CCR5AS: variants seen among roughly 807,000 people sequenced by gnomAD.
CCR5AS encodes the protein CCR5 antisense RNA.
At chr3:46,404,582 C>T (rs1330108371) in intron 1 of CCR5AS, among the ~76,000 whole-genome samples, 2 of 152,070 alleles carry the variant, frequency 1.3e-5, no homozygotes, top group Non-Finnish European at 2.9e-5. Context: ...AAGTGATCCA[C>T]CCACCTCAGC....
At chr3:46,365,860 C>T (rs962323359) in intron 3 of CCR5AS, among the ~76,000 whole-genome samples, 1 of 152,186 alleles carries the variant, frequency 6.6e-6, no homozygotes, top group African/African-American at 2.4e-5. Flanking sequence ...ACTCTTGATC[C>T]TTGCAGCCTC....
chr3:46,397,513 G>C (rs773207683), intron 1 of CCR5AS, among the ~76,000 whole-genome samples: 7 of 152,236 alleles, frequency 4.6e-5, no homozygotes, highest in Non-Finnish European at 1.0e-4. Context: ...TGAGAGCAGG[G>C]CACTATTCCC....
chr3:46,407,002 A>T (rs980239573), exon 1 of CCR5AS: 4 of 152,154 alleles, frequency 2.6e-5, no homozygotes, highest in Admixed American at 6.6e-5. Flanking sequence ...TCAGGTCTGG[A>T]CTCGTGGTCA....
rs1800940 is a variant in CCR5AS, at chr3:46,373,082, G to T, written n.392-1665C>A. The T allele has an allele frequency of 1.6e-3, 2,621 of 1,614,172 alleles. 6 individuals are homozygous for T. The highest frequency in any genetic ancestry group is 2.0e-3 in the Non-Finnish European group (2,411 of 1,180,028). On this transcript the variant is annotated intron_variant and non_coding_transcript_variant, in intron 2 of 3. Transcript: ENST00000451485. ...TCCTCATCCTGATAAACTGCAAAAG[G>T]CTGAAGAGCATGACTGACATCTACC...
chr3:46,401,751 ATTATTAATTTAATTAATAATATTAAT>A (rs1183546739), intron 1 of CCR5AS, among the ~76,000 whole-genome samples: 5 of 150,042 alleles, frequency 3.3e-5, no homozygotes, highest in East Asian at 1.9e-4. Context: ...ATATTTATTT[ATTATTAATTTAATTAATAATATTAAT>A]TTATTAATTT....
At chr3:46,375,300 T>C (rs1410800948) in intron 2 of CCR5AS, 1 of 167,014 alleles carries the variant, frequency 6.0e-6, no homozygotes, top group African/African-American at 2.4e-5. Flanking sequence ...AGCTCACACA[T>C]GAGATCTAGG....
chr3:46,379,323 C>A (rs1025278056), intron 2 of CCR5AS, among the ~76,000 whole-genome samples: 1 of 151,936 alleles, frequency 6.6e-6, no homozygotes, highest in Non-Finnish European at 1.5e-5. Context: ...TTTCCAATTT[C>A]ATCCATGTCC....
At chr3:46,404,538 A>G (rs1347838739) in intron 1 of CCR5AS, among the ~76,000 whole-genome samples, 1 of 151,836 alleles carries the variant, frequency 6.6e-6, no homozygotes, top group Non-Finnish European at 1.5e-5. Context: ...AAGTTTTGCC[A>G]TGTCGGCCAG....
chr3:46,395,064 G>A (rs1249050942), intron 1 of CCR5AS, among the ~76,000 whole-genome samples: 1 of 152,152 alleles, frequency 6.6e-6, no homozygotes, highest in Non-Finnish European at 1.5e-5. Flanking sequence ...TATAGCAGAG[G>A]CCTCTTCCAA....
chr3:46,379,733 T>TA (rs1265532187), intron 2 of CCR5AS, among the ~76,000 whole-genome samples: 4 of 151,750 alleles, frequency 2.6e-5, no homozygotes, highest in African/African-American at 7.3e-5. Flanking sequence ...CTGCCTCTAC[T>TA]AAAAATACAA....
intron 1 of CCR5AS, among the ~76,000 whole-genome samples, chr3:46,399,358 T>C (rs2106778689): frequency 6.6e-6 from 1 of 152,048 alleles, no homozygotes; most frequent in African/African-American, 2.4e-5. Flanking sequence ...CCAATCTCAG[T>C]GGAATGGTGG....
chr3:46,386,818 CTA>C (rs1182525794), intron 2 of CCR5AS, among the ~76,000 whole-genome samples: 7 of 152,068 alleles, frequency 4.6e-5, no homozygotes, highest in African/African-American at 9.7e-5. Flanking sequence ...AGGATACACT[CTA>C]AAATACTAGT....
At chr3:46,383,154 C>A (rs996337070) in intron 2 of CCR5AS, among the ~76,000 whole-genome samples, 1 of 152,206 alleles carries the variant, frequency 6.6e-6, no homozygotes, top group Non-Finnish European at 1.5e-5. Flanking sequence ...CAGCCAGGGG[C>A]TCATGGGTAT....
intron 1 of CCR5AS, among the ~76,000 whole-genome samples, chr3:46,405,483 A>G (rs1049451060): frequency 1.3e-5 from 2 of 152,154 alleles, no homozygotes; most frequent in Admixed American, 1.3e-4. Context: ...GAACTGATCC[A>G]TGAGTATCGA....
intron 3 of CCR5AS, among the ~76,000 whole-genome samples, chr3:46,368,207 G>A (rs1575277061): frequency 6.6e-6 from 1 of 152,162 alleles, no homozygotes; most frequent in African/African-American, 2.4e-5. Flanking sequence ...GGGATGGCAC[G>A]AAACACCCTC....
chr3:46,404,806 G>A (rs754465564), intron 1 of CCR5AS, among the ~76,000 whole-genome samples: 1 of 152,136 alleles, frequency 6.6e-6, no homozygotes, highest in Non-Finnish European at 1.5e-5. Context: ...TTTGTCCATT[G>A]GTGCATCCCC....
At chr3:46,377,517 A>C (rs1421429208) in intron 2 of CCR5AS, among the ~76,000 whole-genome samples, 3 of 152,222 alleles carry the variant, frequency 2.0e-5, no homozygotes, top group Non-Finnish European at 4.4e-5. Flanking sequence ...TGAATAAATT[A>C]AGATGCAATG....
At chr3:46,384,715 C>T (rs1218974360) in intron 2 of CCR5AS, among the ~76,000 whole-genome samples, 2 of 152,072 alleles carry the variant, frequency 1.3e-5, no homozygotes, top group East Asian at 3.9e-4. Context: ...TTAGAAGCTA[C>T]TGAGTGGAGC....
At chr3:46,370,083 T>C (rs986974306) in intron 3 of CCR5AS, among the ~76,000 whole-genome samples, 1 of 152,164 alleles carries the variant, frequency 6.6e-6, no homozygotes, top group Non-Finnish European at 1.5e-5. Context: ...GTATATAGTA[T>C]AGTCATAAAG....
Sources: gnomAD v4.1 joint callset for allele counts (sites outside exome capture counted in the v4.1 genomes callset) on GRCh38, gnomAD v4.1.1 for gene constraint, MANE v1.5 for transcripts, NCBI Gene and HGNC (gene_info 2026-07-23, HGNC 2026-07-21) for gene names.